The following PPP1R9A variants were observed in gnomAD, a reference collection of about 807,000 sequenced individuals.
The protein encoded by PPP1R9A is neurabin-1.
PPP1R9A carries 59 observed loss-of-function variants against 141.9 expected under a neutral mutation model. The ratio of observed to expected loss-of-function variants is 0.42; its 90% CI spans 0.34 to 0.52. The LOEUF is 0.52. Ranked by LOEUF, PPP1R9A falls within the 20% of genes least tolerant of loss-of-function variation. The pLI is 0.10. For missense variants in PPP1R9A, 1,444 were observed against 1,611.9 expected (o/e 0.90, Z 1.78); for synonymous variants, 500 against 569.7 (o/e 0.88, Z 1.74).
chr7:94,994,340 G>A lies in PPP1R9A; in HGVS notation c.1395+82832G>A, dbSNP rs534620528. ...GGGGAGAATTCTTTTTATGGACCCA[G>A]GAAGAAAGGGCGGGAGAAGATCAGA... On this transcript the variant is annotated intron_variant, in intron 2 of 19. Transcript: ENST00000433360. Among the ~76,000 whole-genome samples, 12 of 152,212 alleles carry A rather than the reference G, an allele frequency of 7.9e-5. No homozygotes were observed. In the South Asian group the frequency reaches 2.5e-3, roughly 32 times the overall value.
Position 95,274,717 on chromosome 7 carries a change from A to G in PPP1R9A, c.3296+549A>G, listed in dbSNP as rs766791053. On this transcript the variant is annotated intron_variant, in intron 16 of 19. Transcript: ENST00000433360. ...CCATAAAGAGCGAGCTTTGAACAGC[A>G]TGTTATCAAATTTTCCCAGTTGTTT... Among the ~76,000 whole-genome samples the G allele has an allele frequency of 2.5e-4, 38 of 152,176 alleles. 1 individual carries two copies. Among genetic ancestry groups the G allele is most frequent in the Middle Eastern group, 3.2e-3 (1 of 316 alleles).
chr7:95,205,316 CAAAT>C (rs1790551993), intron 7 of PPP1R9A, among the ~76,000 whole-genome samples: 1 of 152,060 alleles, frequency 6.6e-6, no homozygotes. Context: ...TACGAAATAC[CAAAT>C]AAACTTTATC....
chr7:94,911,496 T>A lies in PPP1R9A; in HGVS notation c.1383T>A (p.Ser461Arg), dbSNP rs1464362901. 1 of 1,607,328 alleles carries A rather than the reference T, an allele frequency of 6.2e-7. No individual in the cohort carries two copies. Among genetic ancestry groups the A allele is most frequent in the East Asian group, 2.2e-5 (1 of 44,822 alleles). The change falls in exon 2 of 20, where the codon AGT (serine) becomes AGA (arginine). Residue 461 changes from serine to arginine, a missense_variant. By Grantham distance (110) the Ser-to-Arg change is moderately radical. Coordinates refer to ENST00000433360, the MANE Select transcript of PPP1R9A (RefSeq NM_001166160.2). The part of the protein sequence containing the change: ...IPANRKIKFS[S>R]APIKVFNTYS... ...CAAATAGGAAAATTAAGTTTAGTAG[T>A]GCTCCTATTAAGGTAAGTGTGTTTT...
rs190536146 is a variant in PPP1R9A at position 94,983,545 on chromosome 7, C to A, written c.1395+72037C>A. ...TAGTTCTCCTTGAAGAGGTCGTTCACATCCCTTGTAAGTTGTATTCCTGGG... is the reference window on the plus strand; with the variant it reads ...TAGTTCTCCTTGAAGAGGTCGTTCAAATCCCTTGTAAGTTGTATTCCTGGG... On this transcript the variant is annotated intron_variant, in intron 2 of 19. Transcript: ENST00000433360. Among the ~76,000 whole-genome samples the A allele has an allele frequency of 3.4e-3, 518 of 152,236 alleles. 5 individuals are homozygous for A. The highest frequency in any genetic ancestry group is 0.012 in the African/African-American group (493 of 41,510).
At chr7:94,977,767 T>C (rs571286925) in intron 2 of PPP1R9A, among the ~76,000 whole-genome samples, 1 of 148,836 alleles carries the variant, frequency 6.7e-6, no homozygotes, top group African/African-American at 2.4e-5. Context: ...TCATTTTCTT[T>C]TTTTTTTTTT....
chr7:95,292,648 T>C lies in PPP1R9A; in HGVS notation c.*2345T>C, dbSNP rs951184903. 3 of 152,214 alleles carry C rather than the reference T, an allele frequency of 2.0e-5. No homozygotes were observed. The highest frequency in any genetic ancestry group is 4.4e-5 in the Non-Finnish European group (3 of 68,020). The allele number at this position is 152,214 out of a possible 1,614,324, so 9.4% of individuals were successfully genotyped here. A position where few individuals can be genotyped will look rare whatever the true frequency, so the allele number is the denominator to read the frequency against. On this transcript the variant is annotated 3_prime_UTR_variant, in exon 20 of 20. Coordinates refer to ENST00000433360, the MANE Select transcript of PPP1R9A (RefSeq NM_001166160.2). ...ATGTTATAAATCAAATTCTTATTCCTAAAATCATTTAGTATTATAAGTATT... is the reference window on the plus strand; with the variant it reads ...ATGTTATAAATCAAATTCTTATTCCCAAAATCATTTAGTATTATAAGTATT...
At chr7:95,095,624 A>G (rs116333267) in intron 2 of PPP1R9A, among the ~76,000 whole-genome samples, 1 of 152,366 alleles carries the variant, frequency 6.6e-6, no homozygotes, top group Admixed American at 6.5e-5. Flanking sequence ...GGTCAATTAC[A>G]TATGACTGCA....
chr7:94,975,380 T>A (rs1052908404), intron 2 of PPP1R9A, among the ~76,000 whole-genome samples: 42 of 149,880 alleles, frequency 2.8e-4, no homozygotes, highest in African/African-American at 1.0e-3. Flanking sequence ...TTTTTTTTTT[T>A]TTTAAGGATT....
intron 2 of PPP1R9A, among the ~76,000 whole-genome samples, chr7:95,022,489 G>A (rs573640315): frequency 7.9e-5 from 12 of 152,202 alleles, no homozygotes; most frequent in African/African-American, 2.6e-4. Context: ...TTGCCTGACT[G>A]CCCTGGCCAG....
intron 2 of PPP1R9A, among the ~76,000 whole-genome samples, chr7:94,938,774 A>G (rs768820173): frequency 6.6e-6 from 1 of 152,196 alleles, no homozygotes; most frequent in Non-Finnish European, 1.5e-5. Flanking sequence ...AGCATAAGCT[A>G]TCAGAGATAG....
At chr7:95,253,903 G>T (rs1799231606) in intron 12 of PPP1R9A, among the ~76,000 whole-genome samples, 1 of 151,970 alleles carries the variant, frequency 6.6e-6, no homozygotes, top group African/African-American at 2.4e-5. Flanking sequence ...AGTATGAGCA[G>T]TATCTAGTAG....
chr7:95,262,013 C>T (rs1400363970), intron 12 of PPP1R9A, among the ~76,000 whole-genome samples: 1 of 152,132 alleles, frequency 6.6e-6, no homozygotes, highest in Non-Finnish European at 1.5e-5. Flanking sequence ...CTGAATTCTT[C>T]CTGTACTAAT....
intron 2 of PPP1R9A, among the ~76,000 whole-genome samples, chr7:94,947,318 C>G (rs1453883417): frequency 1.3e-5 from 2 of 152,080 alleles, no homozygotes; most frequent in East Asian, 1.9e-4. Flanking sequence ...GTTTTGCCAC[C>G]CTCTCCTGAA....
intron 5 of PPP1R9A, among the ~76,000 whole-genome samples, chr7:95,184,643 A>T (rs1462148428): frequency 6.6e-6 from 1 of 152,132 alleles, no homozygotes; most frequent in African/African-American, 2.4e-5. Context: ...CCAAGTCCCC[A>T]TAGTCCCTTA....
intron 4 of PPP1R9A, among the ~76,000 whole-genome samples, chr7:95,147,874 G>T (rs544743515): frequency 6.6e-6 from 1 of 152,224 alleles, no homozygotes; most frequent in African/African-American, 2.4e-5. Context: ...TAACTTTTTT[G>T]ATGTGCTGCT....
At chr7:95,136,684 A>T (rs1825724992) in intron 4 of PPP1R9A, among the ~76,000 whole-genome samples, 1 of 152,230 alleles carries the variant, frequency 6.6e-6, no homozygotes, top group African/African-American at 2.4e-5. Context: ...TGTGTATCAG[A>T]AATACTTTCC....
chr7:95,147,086 A>C (rs1321997621), intron 4 of PPP1R9A, among the ~76,000 whole-genome samples: 1 of 152,208 alleles, frequency 6.6e-6, no homozygotes, highest in Non-Finnish European at 1.5e-5. Flanking sequence ...TACTTTGGAC[A>C]GTATGGCCAT....
intron 2 of PPP1R9A, among the ~76,000 whole-genome samples, chr7:95,077,504 C>T (rs1815037130): frequency 6.6e-6 from 1 of 151,892 alleles, no homozygotes. Context: ...AGAGTGAATG[C>T]ACATTAAAGG....
At chr7:95,054,116 T>G (rs1297553682) in intron 2 of PPP1R9A, among the ~76,000 whole-genome samples, 2 of 147,922 alleles carry the variant, frequency 1.4e-5, no homozygotes, top group Non-Finnish European at 1.5e-5. Flanking sequence ...CCCACTGTGT[T>G]TTTTTTTTTT....
Sources: allele counts gnomAD v4.1 joint callset (sites outside exome capture counted in the v4.1 genomes callset), GRCh38; gene constraint gnomAD v4.1.1; transcripts MANE v1.5; gene names NCBI Gene and HGNC (gene_info 2026-07-23, HGNC 2026-07-21).